WWOX: variants seen among roughly 807,000 people sequenced by gnomAD.
WWOX encodes the protein WW domain containing oxidoreductase.
Under a neutral mutation model 46.2 loss-of-function variants are expected in WWOX, and 69 were observed. That is an observed-to-expected ratio of 1.49 (90% CI 1.23 to 1.82). The LOEUF (loss-of-function observed/expected upper bound fraction) is 1.82. Ranked by LOEUF, WWOX falls within the 40% of genes most tolerant of loss-of-function variation. The pLI, the probability that WWOX is intolerant of heterozygous loss-of-function variation, is 0.00. For synonymous variants in WWOX, 359 were observed against 202.6 expected (o/e 1.77, Z -6.56); for missense variants, 919 against 542.6 (o/e 1.69, Z -6.89).
intron 8 of WWOX, among the ~76,000 whole-genome samples, 185 bp downstream of exon 8, chr16:78,432,937 C>G (rs889099442): frequency 1.3e-5 from 2 of 152,134 alleles, no homozygotes; most frequent in Non-Finnish European, 2.9e-5. Flanking sequence ...TGGGTAAATG[C>G]GTCTTGGAGG....
At chr16:78,828,173 G>C (rs1318636076) in intron 8 of WWOX, among the ~76,000 whole-genome samples, 8 of 152,162 alleles carry the variant, frequency 5.3e-5, no homozygotes, top group Non-Finnish European at 8.8e-5. Context: ...AATCTAATCT[G>C]TACGCCCCAC....
chr16:78,379,080 C>T (rs1440689474), intron 5 of WWOX, among the ~76,000 whole-genome samples: 1 of 152,110 alleles, frequency 6.6e-6, no homozygotes, highest in African/African-American at 2.4e-5. Flanking sequence ...GTTTTCTCAT[C>T]TGTAAAATGG....
intron 8 of WWOX, chr16:79,203,916 A>G (rs1468960059): frequency 6.6e-6 from 1 of 152,200 alleles, no homozygotes; most frequent in African/African-American, 2.4e-5. Flanking sequence ...AAAATGTAAA[A>G]TGTTTCAAAT....
chr16:78,337,332 A>C (rs1202154420), intron 5 of WWOX, among the ~76,000 whole-genome samples: 5 of 152,124 alleles, frequency 3.3e-5, no homozygotes, highest in African/African-American at 9.7e-5. Context: ...TATAGTACAT[A>C]AGGTCTTGTG....
intron 5 of WWOX, among the ~76,000 whole-genome samples, chr16:78,331,051 G>C (rs1428292355): frequency 2.6e-5 from 4 of 152,090 alleles, no homozygotes; most frequent in Non-Finnish European, 5.9e-5. Flanking sequence ...TAGTAAATAA[G>C]ATAATTTGTT....
rs188862503 is a variant in WWOX at position 79,072,425 on chromosome 16, C to T, written c.1057-139183C>T. On this transcript the variant is annotated intron_variant, in intron 8 of 8. Coordinates refer to ENST00000566780, the MANE Select transcript of WWOX (RefSeq NM_016373.4). ...ACATGGACAGAATTTCATGAGTGTT[C>T]ACCTTGGTGTTGCTACTTTGCAACA... 2.1e-4 allele frequency among the ~76,000 whole-genome samples: 32 copies of T among 152,302 alleles called. No homozygotes were observed. The East Asian group carries it at 3.5e-3, about 17-fold the overall frequency.
At chr16:78,668,593 G>A (rs1380273705) in intron 8 of WWOX, among the ~76,000 whole-genome samples, 3 of 152,186 alleles carry the variant, frequency 2.0e-5, no homozygotes, top group African/African-American at 7.2e-5. Flanking sequence ...GTAGGTGAGA[G>A]ACAGGAGTTG....
intron 8 of WWOX, among the ~76,000 whole-genome samples, chr16:78,555,573 A>G (rs915580097): frequency 2.9e-5 from 4 of 140,212 alleles, no homozygotes; most frequent in African/African-American, 1.0e-4. Flanking sequence ...ATTCCCCACT[A>G]AAGGAGTGCC....
chr16:78,905,035 C>T (rs570434854), intron 8 of WWOX, among the ~76,000 whole-genome samples: 6 of 152,282 alleles, frequency 3.9e-5, no homozygotes, highest in Admixed American at 3.3e-4. Flanking sequence ...TTCATTCCTT[C>T]CACTTCATGC....
chr16:78,192,845 A>G (rs1567622512), intron 5 of WWOX, among the ~76,000 whole-genome samples: 1 of 152,252 alleles, frequency 6.6e-6, no homozygotes, highest in Non-Finnish European at 1.5e-5. Context: ...ACATAAAGCT[A>G]TGACTTGAAT....
intron 8 of WWOX, among the ~76,000 whole-genome samples, chr16:78,483,052 G>T (rs562414543): frequency 6.6e-6 from 1 of 152,114 alleles, no homozygotes; most frequent in Non-Finnish European, 1.5e-5. Flanking sequence ...GACATGAAGG[G>T]CCTCTTCAAC....
intron 8 of WWOX, among the ~76,000 whole-genome samples, chr16:78,740,035 C>T (rs1338068131): frequency 2.0e-5 from 3 of 152,164 alleles, no homozygotes; most frequent in Admixed American, 6.5e-5. Flanking sequence ...GCTGTCACCA[C>T]ATTTGACCAC....
intron 8 of WWOX, among the ~76,000 whole-genome samples, chr16:78,781,129 A>T (rs1038508539): frequency 6.6e-6 from 1 of 152,322 alleles, no homozygotes; most frequent in South Asian, 2.1e-4. Context: ...TCTGACAGGT[A>T]AATCAAGACA....
At chr16:79,014,616 C>T (rs2047376948) in intron 8 of WWOX, among the ~76,000 whole-genome samples, 1 of 152,162 alleles carries the variant, frequency 6.6e-6, no homozygotes, top group Non-Finnish European at 1.5e-5. Context: ...TGAGCAGCTA[C>T]TCAGTGCCTA....
At chr16:79,007,361 G>C (rs756669072) in intron 8 of WWOX, among the ~76,000 whole-genome samples, 1 of 152,206 alleles carries the variant, frequency 6.6e-6, no homozygotes, top group Non-Finnish European at 1.5e-5. Context: ...AACTGGAAAG[G>C]TGTTCCAGGC....
rs757863128 is a variant in WWOX, at chr16:78,424,961, C to T, written c.697C>T (p.His233Tyr). ...DGLETTFQVN[H>Y]LGHFYLVQLL... ...CCTGGAGACCACCTTTCAAGTGAAT[C>T]ATCTGGGGCACTTCTACCTTGTCCA... is the stretch of plus-strand genomic sequence containing the variant. The change falls in exon 7 of 9, where the codon CAT (histidine) becomes TAT (tyrosine). Residue 233 changes from histidine to tyrosine, a missense_variant. Coordinates refer to ENST00000566780, the MANE Select transcript of WWOX (RefSeq NM_016373.4). 4.3e-6 allele frequency: 7 copies of T among 1,614,156 alleles called. No homozygotes were observed. The highest frequency in any genetic ancestry group is 1.7e-5 in the Admixed American group (1 of 60,016).
chr16:78,604,082 T>G (rs1311571167), intron 8 of WWOX, among the ~76,000 whole-genome samples: 1 of 152,128 alleles, frequency 6.6e-6, no homozygotes, highest in East Asian at 1.9e-4. Flanking sequence ...AGGTGGAGGC[T>G]GCAGTGAGCT....
intron 8 of WWOX, among the ~76,000 whole-genome samples, chr16:78,863,768 T>A (rs900095130): frequency 2.0e-5 from 3 of 152,186 alleles, no homozygotes; most frequent in African/African-American, 7.2e-5. Context: ...TTCTATTGCT[T>A]CATAAACAAA....
At chr16:79,190,902 C>G (rs1226702247) in intron 8 of WWOX, among the ~76,000 whole-genome samples, 2 of 152,130 alleles carry the variant, frequency 1.3e-5, no homozygotes, top group Non-Finnish European at 2.9e-5. Context: ...AGTTAGACAG[C>G]TAATTAGTTG....
Sources: allele counts gnomAD v4.1 joint callset (sites outside exome capture counted in the v4.1 genomes callset), GRCh38; gene constraint gnomAD v4.1.1; transcripts MANE v1.5; gene names NCBI Gene and HGNC (gene_info 2026-07-23, HGNC 2026-07-21).